ATP13A5: variants seen among roughly 807,000 people sequenced by gnomAD.
The protein encoded by ATP13A5 is ATPase 13A5, also known as probable cation-transporting ATPase 13A5.
In ATP13A5, 149 loss-of-function variants were observed where a neutral mutation model predicts 150.2. That is an observed-to-expected ratio of 0.99 (90% confidence interval 0.87 to 1.14). The LOEUF (loss-of-function observed/expected upper bound fraction) is 1.14. ATP13A5 is among the 50% of genes most tolerant of loss of function. ATP13A5 has a pLI of 0.00. For synonymous variants in ATP13A5, 497 were observed against 522.2 expected (o/e 0.95, Z 0.66); for missense variants, 1,383 against 1,449.3 (o/e 0.95, Z 0.74).
chr3:193,291,180 A>G (rs1717938157), intron 25 of ATP13A5, among the ~76,000 whole-genome samples: 2 of 149,492 alleles, frequency 1.3e-5, no homozygotes, highest in Admixed American at 6.8e-5. Flanking sequence ...GGAATGCCTA[A>G]ATGGTACCCA....
chr3:193,310,492 AT>A (rs1208660836), intron 21 of ATP13A5, 145 bp downstream of exon 21: 9 of 615,596 alleles, frequency 1.5e-5, no homozygotes, highest in Non-Finnish European at 2.2e-5. Flanking sequence ...CCAATAGTGT[AT>A]AAGTGTTCCC....
chr3:193,371,586 G>T (rs964995702), intron 1 of ATP13A5, among the ~76,000 whole-genome samples: 1 of 152,174 alleles, frequency 6.6e-6, no homozygotes. Flanking sequence ...GCAGAATTCG[G>T]TTCCTTGCGG....
At chr3:193,322,180 C>A (rs1719304899) in intron 15 of ATP13A5, among the ~76,000 whole-genome samples, 1 of 152,194 alleles carries the variant, frequency 6.6e-6, no homozygotes, top group Non-Finnish European at 1.5e-5. Context: ...GCATTTGGCA[C>A]ATTGTGTTGC....
chr3:193,276,405 G>T (rs1217746910), intron 29 of ATP13A5, among the ~76,000 whole-genome samples: 1 of 152,130 alleles, frequency 6.6e-6, no homozygotes, highest in Admixed American at 6.5e-5. Context: ...ACTCTAAAAA[G>T]TCTCTTTGGG....
In ATP13A5 at chr3:193,343,919, C is replaced by T. The variant is rs1712221735; in HGVS notation, c.943+8G>A. The T allele has an allele frequency of 1.2e-6, 2 of 1,611,186 alleles. No homozygotes were observed. The highest frequency in any genetic ancestry group is 2.2e-5 in the South Asian group (2 of 90,690). ...CAGGGAAGAGGAAGCTCCATGACAA[C>T]TGCCTACCTGTAAGCATGCCTTCAT... On this transcript the variant is annotated splice_region_variant and intron_variant, in intron 9 of 29. Coordinates refer to ENST00000342358, the MANE Select transcript of ATP13A5 (RefSeq NM_198505.4).
chr3:193,361,910 C>A (rs1056524502), intron 5 of ATP13A5, among the ~76,000 whole-genome samples: 1 of 152,108 alleles, frequency 6.6e-6, no homozygotes, highest in Non-Finnish European at 1.5e-5. Context: ...ATGTATTGAG[C>A]TCCTACCAAA....
Position 193,275,105 on chromosome 3 carries a change from A to G in ATP13A5, c.3594T>C (p.Ile1198=). The G allele has an allele frequency of 6.2e-7, 1 of 1,614,166 alleles. No individual in the cohort carries two copies. The highest frequency in any genetic ancestry group is 8.5e-7 in the Non-Finnish European group (1 of 1,180,040). ...INGGYESHEQ[I]PKRKLKLGGQ... is the part of the protein sequence containing the mutation. ...CTCCCAATTTGAGTTTTCTTTTTGG[A>G]ATCTGTTCATGGCTTTCATAGCCTC... Residue 1198 remains isoleucine (I), a synonymous_variant, in exon 30 of 30, where the codon ATT becomes ATC. Coordinates refer to ENST00000342358, the MANE Select transcript of ATP13A5 (RefSeq NM_198505.4).
In ATP13A5 at chr3:193,378,750, T is replaced by C; in HGVS notation, c.-25A>G. On this transcript the variant is annotated 5_prime_UTR_variant, in exon 1 of 30. Transcript: ENST00000342358. ...TCTGAACTCAACCGGCGAGGATCTCTTCTGGCTAACTCCTTGGAGAAATGT... is the reference window on the plus strand; with the variant it reads ...TCTGAACTCAACCGGCGAGGATCTCCTCTGGCTAACTCCTTGGAGAAATGT... The C allele has an allele frequency of 6.2e-7, 1 of 1,601,892 alleles. No individual in the cohort carries two copies. The highest frequency in any genetic ancestry group is 8.5e-7 in the Non-Finnish European group (1 of 1,169,740).
At chr3:193,378,589 T>A in intron 1 of ATP13A5, 74 bp downstream of exon 1, 1 of 1,291,286 alleles carries the variant, frequency 7.7e-7, no homozygotes, top group Non-Finnish European at 1.1e-6. Context: ...CACTCTATTT[T>A]CTAATTCAGC....
chr3:193,363,073 G>A lies in ATP13A5; in HGVS notation c.384+163C>T, dbSNP rs572135433. ...CACATTGGCCTCCCAAAAGTGCCGG[G>A]ATTACAGACGTGAACGACCATGCCC... On this transcript the variant is annotated intron_variant, in intron 3 of 29. Transcript: ENST00000342358. Among the ~76,000 whole-genome samples, 6 of 152,264 alleles carry A rather than the reference G, an allele frequency of 3.9e-5. No individual in the cohort carries two copies. In the South Asian group the frequency reaches 1.2e-3, roughly 32 times the overall value.
chr3:193,290,769 A>T (rs1717919517), intron 25 of ATP13A5, among the ~76,000 whole-genome samples: 1 of 152,216 alleles, frequency 6.6e-6, no homozygotes, highest in African/African-American at 2.4e-5. Flanking sequence ...TAAAAAGAAC[A>T]ACTATTTTAA....
At chr3:193,340,401 A>G (rs550293273) in intron 9 of ATP13A5, among the ~76,000 whole-genome samples, 1 of 152,216 alleles carries the variant, frequency 6.6e-6, no homozygotes, top group Non-Finnish European at 1.5e-5. Context: ...AGTAAAAGGA[A>G]AGGGAGAAGG....
chr3:193,289,484 C>G (rs1717859344), intron 26 of ATP13A5, among the ~76,000 whole-genome samples: 1 of 152,142 alleles, frequency 6.6e-6, no homozygotes, highest in Non-Finnish European at 1.5e-5. Context: ...GCCACACCCA[C>G]TTGTTTACCT....
At chr3:193,306,369 A>AT (rs1560124119) in intron 22 of ATP13A5, among the ~76,000 whole-genome samples, 1 of 151,888 alleles carries the variant, frequency 6.6e-6, no homozygotes, top group African/African-American at 2.4e-5. Context: ...TTTGCATTTG[A>AT]TTTTTTTGTT....
chr3:193,356,623 C>T (rs1006755016), intron 5 of ATP13A5, among the ~76,000 whole-genome samples: 1 of 152,012 alleles, frequency 6.6e-6, no homozygotes, highest in African/African-American at 2.4e-5. Flanking sequence ...ATACATAAAG[C>T]ATTTAGTTCT....
chr3:193,285,641 T>C (rs756332541), intron 26 of ATP13A5, among the ~76,000 whole-genome samples: 4 of 152,174 alleles, frequency 2.6e-5, no homozygotes, highest in Non-Finnish European at 5.9e-5. Context: ...CTTGTCTCAA[T>C]CTACCTTTTC....
At chr3:193,314,901 T>G in intron 18 of ATP13A5, 71 bp downstream of exon 18, 1 of 1,563,764 alleles carries the variant, frequency 6.4e-7, no homozygotes, top group Non-Finnish European at 8.7e-7. Context: ...ATGAACTCAC[T>G]CAGCTCACAC....
chr3:193,367,559 G>C (rs1312378529), intron 1 of ATP13A5, among the ~76,000 whole-genome samples: 1 of 152,092 alleles, frequency 6.6e-6, no homozygotes, highest in Non-Finnish European at 1.5e-5. Context: ...GCCCTGTCAT[G>C]AACATAGATA....
At chr3:193,334,831 G>A in intron 10 of ATP13A5, 98 bp downstream of exon 10, 1 of 1,096,044 alleles carries the variant, frequency 9.1e-7, no homozygotes, top group South Asian at 1.6e-5. Flanking sequence ...GTTACTACCA[G>A]AATGTGGCAG....
Sources: allele counts gnomAD v4.1 joint callset (sites outside exome capture counted in the v4.1 genomes callset), GRCh38; gene constraint gnomAD v4.1.1; transcripts MANE v1.5; gene names NCBI Gene and HGNC (gene_info 2026-07-23, HGNC 2026-07-21).